Variants in RSPO2 observed in about 807,000 individuals in gnomAD.
RSPO2 encodes R-spondin-2.
Under a neutral mutation model 30.9 loss-of-function variants are expected in RSPO2, and 14 were observed. The ratio of observed to expected loss-of-function variants is 0.45; its 90% CI spans 0.30 to 0.71. The LOEUF is 0.71. Among genes scored for constraint, RSPO2 ranks in the 30% least tolerant of loss-of-function variants. The pLI is 0.08. For missense variants in RSPO2, 264 were observed against 301.9 expected, an observed-to-expected ratio of 0.87 and a Z score of 0.93; for synonymous variants, 107 against 96.4, an observed-to-expected ratio of 1.11 and a Z score of -0.64.
intron 5 of RSPO2, among the ~76,000 whole-genome samples, chr8:107,926,267 ATTTG>A (rs1812367201): frequency 6.6e-6 from 1 of 152,034 alleles, no homozygotes; most frequent in South Asian, 2.1e-4. Flanking sequence ...TTTCTTGTAA[ATTTG>A]TTTGAGTTCT....
At chr8:108,024,666 T>C (rs1811150772) in intron 2 of RSPO2, among the ~76,000 whole-genome samples, 1 of 152,120 alleles carries the variant, frequency 6.6e-6, no homozygotes, top group Non-Finnish European at 1.5e-5. Context: ...ACACACCTCT[T>C]TCTATTGTTC....
At chr8:107,945,188 T>G (rs1320601667) in intron 5 of RSPO2, among the ~76,000 whole-genome samples, 1 of 151,686 alleles carries the variant, frequency 6.6e-6, no homozygotes, top group Non-Finnish European at 1.5e-5. Flanking sequence ...GAGATTCAAT[T>G]TGGTAACCAA....
chr8:107,944,520 T>C (rs1414811841), intron 5 of RSPO2, among the ~76,000 whole-genome samples: 1 of 152,128 alleles, frequency 6.6e-6, no homozygotes, highest in East Asian at 1.9e-4. Flanking sequence ...GAGGAAACAC[T>C]GCAAAAATAA....
At chr8:107,934,436 G>C (rs1257537641) in intron 5 of RSPO2, among the ~76,000 whole-genome samples, 1 of 150,358 alleles carries the variant, frequency 6.7e-6, no homozygotes, top group African/African-American at 2.5e-5. Flanking sequence ...GCAATGGCAT[G>C]ATCTCGGCTC....
intron 2 of RSPO2, among the ~76,000 whole-genome samples, chr8:108,062,368 C>T (rs1812498829): frequency 6.6e-6 from 1 of 151,748 alleles, no homozygotes; most frequent in Non-Finnish European, 1.5e-5. Context: ...ACCACCGATC[C>T]CACAGAAATA....
chr8:108,064,164 C>A (rs560992943), intron 2 of RSPO2, among the ~76,000 whole-genome samples: 15 of 152,158 alleles, frequency 9.9e-5, no homozygotes, highest in South Asian at 2.1e-4. Context: ...GCAACAAAAG[C>A]CAAAATTGAC....
chr8:107,991,267 C>G (rs1410851382), intron 2 of RSPO2, among the ~76,000 whole-genome samples: 3 of 151,372 alleles, frequency 2.0e-5, no homozygotes, highest in Admixed American at 2.0e-4. Flanking sequence ...CACACACACA[C>G]ACACACACAC....
rs551163107 is a variant in RSPO2 at position 108,036,983 on chromosome 8, T to C, written c.94+45562A>G. On this transcript the variant is annotated intron_variant, in intron 2 of 5. Coordinates refer to ENST00000276659, the MANE Select transcript of RSPO2 (RefSeq NM_178565.5). ...CTGCTCCACTAACTGTTGCCATCTC[T>C]CTCACTCTCTCCTCAGGCCTCCCTA... Among the ~76,000 whole-genome samples, 57 of 152,280 alleles carry C rather than the reference T, an allele frequency of 3.7e-4. 1 individual carries two copies. The highest frequency in any genetic ancestry group is 3.5e-3 in the Admixed American group (53 of 15,298).
chr8:108,074,099 A>G (rs1338837411), intron 2 of RSPO2, among the ~76,000 whole-genome samples: 1 of 152,222 alleles, frequency 6.6e-6, no homozygotes, highest in Non-Finnish European at 1.5e-5. Flanking sequence ...AGCTTACAAA[A>G]ACCCTAGCCC....
intron 2 of RSPO2, among the ~76,000 whole-genome samples, chr8:108,032,353 C>A (rs7845558): frequency 1.1e-4 from 17 of 152,066 alleles, no homozygotes; most frequent in Non-Finnish European, 1.6e-4. Context: ...ATGATGAACT[C>A]CTTGAGAGCA....
At chr8:108,010,662 A>G (rs900169604) in intron 2 of RSPO2, among the ~76,000 whole-genome samples, 3 of 152,102 alleles carry the variant, frequency 2.0e-5, no homozygotes, top group Non-Finnish European at 4.4e-5. Context: ...GTGGGAGCAG[A>G]TGCAGAAGAG....
At chr8:108,014,109 A>G (rs1411206601) in intron 2 of RSPO2, among the ~76,000 whole-genome samples, 1 of 152,242 alleles carries the variant, frequency 6.6e-6, no homozygotes, top group African/African-American at 2.4e-5. Flanking sequence ...ATCACTGGTC[A>G]TTAGAGAAAT....
At chr8:107,940,810 T>A (rs1384608974) in intron 5 of RSPO2, among the ~76,000 whole-genome samples, 4 of 152,102 alleles carry the variant, frequency 2.6e-5, no homozygotes, top group Non-Finnish European at 5.9e-5. Context: ...AAGGAAAAAA[T>A]GGAAAAATGG....
chr8:107,910,831 G>A (rs960461763), intron 5 of RSPO2, among the ~76,000 whole-genome samples: 4 of 152,140 alleles, frequency 2.6e-5, no homozygotes, highest in African/African-American at 9.7e-5. Flanking sequence ...GCTGAGGTGA[G>A]AGGATCACTT....
intron 2 of RSPO2, among the ~76,000 whole-genome samples, chr8:108,026,347 A>G (rs1403391327): frequency 6.6e-6 from 1 of 152,202 alleles, no homozygotes; most frequent in African/African-American, 2.4e-5. Context: ...TTTTTCTTTA[A>G]CTACAAAAAG....
rs148771937 is a variant in RSPO2 at position 107,980,046 on chromosome 8, G to A, written c.283+9010C>T. 5.4e-3 allele frequency among the ~76,000 whole-genome samples: 817 copies of A among 152,156 alleles called. 22 individuals carry two copies. Among genetic ancestry groups the A allele is most frequent in the Admixed American group, 0.046 (708 of 15,280 alleles). On this transcript the variant is annotated intron_variant, in intron 3 of 5. Coordinates refer to ENST00000276659, the MANE Select transcript of RSPO2 (RefSeq NM_178565.5). The stretch of plus-strand genomic sequence containing the variant: ...ATGCTCAAGTGACTCTCTGCTATGA[G>A]TACCCTTTACCCTCTTACTCTTACT...
At chr8:107,914,612 T>A (rs773976620) in intron 5 of RSPO2, among the ~76,000 whole-genome samples, 16 of 152,130 alleles carry the variant, frequency 1.1e-4, no homozygotes, top group Non-Finnish European at 2.4e-4. Flanking sequence ...AGCTAGACAC[T>A]GAGTTATTGA....
intron 2 of RSPO2, among the ~76,000 whole-genome samples, chr8:108,051,628 G>A (rs1812082880): frequency 6.6e-6 from 1 of 152,198 alleles, no homozygotes; most frequent in Non-Finnish European, 1.5e-5. Context: ...GCATCTAAAT[G>A]GTACTGAATA....
chr8:107,989,832 A>G (rs1814785496), intron 2 of RSPO2, among the ~76,000 whole-genome samples: 1 of 152,234 alleles, frequency 6.6e-6, no homozygotes, highest in Non-Finnish European at 1.5e-5. Context: ...GAAAACCCAG[A>G]AAGAAAAAAT....
Sources: allele counts gnomAD v4.1 joint callset (sites outside exome capture counted in the v4.1 genomes callset), GRCh38; gene constraint gnomAD v4.1.1; transcripts MANE v1.5; gene names NCBI Gene and HGNC (gene_info 2026-07-23, HGNC 2026-07-21).